FGF14: variants seen among roughly 807,000 people sequenced by gnomAD.
FGF14 encodes fibroblast growth factor 14.
In FGF14, 5 loss-of-function variants were observed where a neutral mutation model predicts 25.5. The ratio of observed to expected loss-of-function variants is 0.20; its 90% confidence interval spans 0.10 to 0.41. The LOEUF is 0.41. Ranked by LOEUF, FGF14 falls within the 10% of genes least tolerant of loss-of-function variation. FGF14 has a pLI of 1.00. For synonymous variants in FGF14, 138 were observed against 118.3 expected (o/e 1.17, Z -1.08); for missense variants, 222 against 320.1 (o/e 0.69, Z 2.34).
At chr13:102,039,343 G>A (rs1290836684) in intron 1 of FGF14, among the ~76,000 whole-genome samples, 1 of 152,110 alleles carries the variant, frequency 6.6e-6, no homozygotes, top group Admixed American at 6.6e-5. Flanking sequence ...CACAGCTTCC[G>A]AGTGGGTCTC....
chr13:101,775,124 A>T (rs1353804474), intron 3 of FGF14, among the ~76,000 whole-genome samples: 1 of 152,180 alleles, frequency 6.6e-6, no homozygotes, highest in African/African-American at 2.4e-5. Context: ...TAGGAAATAA[A>T]AATAATTGCA....
In FGF14 at chr13:102,346,990, T is replaced by C. The variant is rs1482245766; in HGVS notation, c.208+54481A>G. ...CTGATGCCCAGAACACCGTGTTCAA[T>C]AGAACATCCAAAAGTGGATAGCCAG... On this transcript the variant is annotated intron_variant, in intron 1 of 4. Coordinates refer to the FGF14 transcript ENST00000376131. Among the ~76,000 whole-genome samples, 4 of 152,132 alleles carry C rather than the reference T, an allele frequency of 2.6e-5. No individual in the cohort carries two copies. In the East Asian group the frequency reaches 5.8e-4, roughly 22 times the overall value.
At chr13:102,109,949 C>T (rs1183533686) in intron 1 of FGF14, among the ~76,000 whole-genome samples, 7 of 152,056 alleles carry the variant, frequency 4.6e-5, no homozygotes, top group African/African-American at 9.7e-5. Flanking sequence ...TTGCAAAACA[C>T]TGCATTATTA....
rs61965218 is a variant in FGF14 at position 101,928,305 on chromosome 13, T to A, written c.209-53009A>T. Among the ~76,000 whole-genome samples the A allele has an allele frequency of 4.9e-3, 750 of 152,324 alleles. 4 individuals are homozygous for A. Among genetic ancestry groups the A allele is most frequent in the Non-Finnish European group, 7.8e-3 (533 of 68,038 alleles). On this transcript the variant is annotated intron_variant, in intron 1 of 4. Coordinates refer to the FGF14 transcript ENST00000376131. Reference sequence around the variant, plus strand: ...AGACACTTTTTAGTACATATTAACATAATCGAGGACCATTTTTTATTCAAA... The same window carrying A: ...AGACACTTTTTAGTACATATTAACAAAATCGAGGACCATTTTTTATTCAAA...
intron 1 of FGF14, among the ~76,000 whole-genome samples, chr13:101,962,795 T>A (rs12856393): frequency 0.1 from 15,931 of 152,224 alleles, 961 homozygotes; most frequent in Admixed American, 0.2. Flanking sequence ...TAATTTAGAG[T>A]ACTGCATCCA....
At chr13:102,385,346 A>C (rs938941320) in intron 1 of FGF14, among the ~76,000 whole-genome samples, 5 of 152,212 alleles carry the variant, frequency 3.3e-5, no homozygotes, top group Non-Finnish European at 5.9e-5. Context: ...CTTCTAAGTT[A>C]TCTATGTGGC....
At chr13:102,055,114 C>T (rs1468085318) in intron 1 of FGF14, among the ~76,000 whole-genome samples, 1 of 152,226 alleles carries the variant, frequency 6.6e-6, no homozygotes, top group Non-Finnish European at 1.5e-5. Context: ...TTGTTTCTCA[C>T]AGTTCAATGC....
chr13:102,189,555 A>G (rs2049043440), intron 1 of FGF14, among the ~76,000 whole-genome samples: 1 of 152,178 alleles, frequency 6.6e-6, no homozygotes, highest in Admixed American at 6.5e-5. Context: ...AAGAGTTTGA[A>G]TAAAATAGGT....
intron 1 of FGF14, among the ~76,000 whole-genome samples, chr13:102,397,211 TGTAAAGCAA>T (rs2058605107): frequency 6.6e-6 from 1 of 152,142 alleles, no homozygotes; most frequent in Non-Finnish European, 1.5e-5. Flanking sequence ...CAGCCCTAGA[TGTAAAGCAA>T]GTAGCTTTTT....
At chr13:102,201,437 A>T (rs626914) in intron 1 of FGF14, among the ~76,000 whole-genome samples, 151,540 of 152,278 alleles carry the variant, frequency 1, 75,405 homozygotes, top group Middle Eastern at 1. Context: ...ATTTTTCAAA[A>T]CCCTCCAAAA....
chr13:101,983,865 C>T (rs1377956014), intron 1 of FGF14, among the ~76,000 whole-genome samples: 1 of 152,120 alleles, frequency 6.6e-6, no homozygotes, highest in East Asian at 1.9e-4. Context: ...TATAGAACTG[C>T]CTTACTAGCT....
At chr13:101,994,097 G>A (rs998362539) in intron 1 of FGF14, among the ~76,000 whole-genome samples, 1 of 151,876 alleles carries the variant, frequency 6.6e-6, no homozygotes, top group Non-Finnish European at 1.5e-5. Flanking sequence ...ATTTAGAAAT[G>A]AAATGTTATG....
intron 1 of FGF14, among the ~76,000 whole-genome samples, chr13:101,948,891 T>A (rs1397372242): frequency 1.3e-5 from 2 of 151,388 alleles, no homozygotes; most frequent in Admixed American, 6.6e-5. Flanking sequence ...TTTGCAAAAG[T>A]TTTTTTTTCT....
At chr13:102,127,236 CAATTAT>C (rs572916792) in intron 1 of FGF14, among the ~76,000 whole-genome samples, 12 of 152,258 alleles carry the variant, frequency 7.9e-5, no homozygotes, top group Middle Eastern at 6.8e-3. Flanking sequence ...AAGATTATTA[CAATTAT>C]AATAAACCTG....
chr13:102,177,370 C>A (rs2048491024), intron 1 of FGF14, among the ~76,000 whole-genome samples: 1 of 152,144 alleles, frequency 6.6e-6, no homozygotes, highest in Non-Finnish European at 1.5e-5. Context: ...CAGATGTTTT[C>A]AGCCCTAGTG....
intron 1 of FGF14, among the ~76,000 whole-genome samples, chr13:102,206,150 C>CACACAT (rs1555378013): frequency 6.6e-6 from 1 of 151,218 alleles, no homozygotes; most frequent in African/African-American, 2.4e-5. Flanking sequence ...CACACACACA[C>CACACAT]GGGCTACATG....
intron 3 of FGF14, among the ~76,000 whole-genome samples, chr13:101,822,581 T>C (rs899855788): frequency 6.6e-6 from 1 of 152,166 alleles, no homozygotes; most frequent in Admixed American, 6.5e-5. Context: ...CTTAACAGTA[T>C]TGAGTCTTCC....
chr13:102,307,756 C>A (rs1301738719), intron 1 of FGF14, among the ~76,000 whole-genome samples: 3 of 152,122 alleles, frequency 2.0e-5, no homozygotes, highest in African/African-American at 7.2e-5. Flanking sequence ...TTACGATTCC[C>A]ATTTTACAGA....
chr13:102,060,157 C>CA (rs199958869), intron 1 of FGF14, among the ~76,000 whole-genome samples: 2,841 of 143,470 alleles, frequency 0.02, 46 homozygotes, highest in African/African-American at 0.046. Context: ...TGCAAATATT[C>CA]AAAAAAAAAA....
Sources: allele counts gnomAD v4.1 joint callset (sites outside exome capture counted in the v4.1 genomes callset), GRCh38; gene constraint gnomAD v4.1.1; transcripts MANE v1.5; gene names NCBI Gene and HGNC (gene_info 2026-07-23, HGNC 2026-07-21).